THBS4: variants seen among roughly 807,000 people sequenced by gnomAD.
THBS4 encodes the protein thrombospondin-4.
A neutral mutation model predicts 115.7 loss-of-function variants in THBS4; 90 were observed. The ratio of observed to expected loss-of-function variants is 0.78; its 90% CI spans 0.66 to 0.93. THBS4 has a LOEUF of 0.93. Among genes scored for constraint, THBS4 ranks in the 40% least tolerant of loss-of-function variants. THBS4 has a pLI of 0.00. For synonymous variants in THBS4, 460 were observed against 479.3 expected (o/e 0.96, Z 0.53); for missense variants, 1,087 against 1,232.7 (o/e 0.88, Z 1.77).
rs1027637230 is a variant in THBS4 at position 80,035,552 on chromosome 5, C to T, written c.15C>T (p.Arg5=). 7.1e-7 allele frequency: 1 copy of T among 1,413,552 alleles called. No individual in the cohort carries two copies. The highest frequency in any genetic ancestry group is 9.2e-7 in the Non-Finnish European group (1 of 1,083,400). 87.6% of individuals were successfully genotyped at this position (1,413,552 alleles called of 1,614,324 possible). A position where few individuals can be genotyped will look rare whatever the true frequency, so the allele number is the denominator to read the frequency against. MLAP[R]GAAVLLLHLV... is the part of the protein sequence containing the mutation. Reference sequence around the variant, plus strand: ...GAAGAGCCAACATGCTGGCCCCGCGCGGAGCCGCCGTCCTCCTGCTGCACC... The same window carrying T: ...GAAGAGCCAACATGCTGGCCCCGCGTGGAGCCGCCGTCCTCCTGCTGCACC... Residue 5 remains arginine (R), a synonymous_variant, in exon 1 of 22, where the codon CGC becomes CGT. Coordinates refer to ENST00000350881, the MANE Select transcript of THBS4 (RefSeq NM_003248.6). The surrounding 1 kb of genome is among the most constrained non-coding windows in gnomAD (Gnocchi z 4.6).
At chr5:79,998,434 C>G (rs1171926093) in intron 2 of THBS4, 1 of 157,934 alleles carries the variant, frequency 6.3e-6, no homozygotes, top group East Asian at 1.8e-4. Context: ...AGTTGTGAGT[C>G]AATTAAACCT....
At chr5:80,001,251 A>G (rs1561288948) in intron 2 of THBS4, among the ~76,000 whole-genome samples, 1 of 146,566 alleles carries the variant, frequency 6.8e-6, no homozygotes, top group Non-Finnish European at 1.5e-5. Context: ...CACGTACTAC[A>G]TATTTGTTGC....
chr5:79,999,924 A>T (rs1385607545), intron 2 of THBS4, among the ~76,000 whole-genome samples: 1 of 152,208 alleles, frequency 6.6e-6, no homozygotes, highest in African/African-American at 2.4e-5. Flanking sequence ...AGTTAGGAAG[A>T]GGAAAGAACA....
chr5:80,077,527 G>A (rs1743275764), intron 16 of THBS4, among the ~76,000 whole-genome samples: 1 of 152,254 alleles, frequency 6.6e-6, no homozygotes, highest in Non-Finnish European at 1.5e-5. Context: ...ACAGCAGGGA[G>A]TGTTGGGGAC....
At chr5:80,034,926 C>T (rs529659656), upstream of THBS4, among the ~76,000 whole-genome samples, 57 of 152,300 alleles carry the variant, frequency 3.7e-4, no homozygotes, top group South Asian at 3.9e-3. Context: ...CCAAGGTGGG[C>T]ATTCAAAGCC....
rs547968810 is a variant in THBS4 at position 80,067,913 on chromosome 5, GCTCAAA to G, written c.1195-57_1195-52del. The G allele has an allele frequency of 9.7e-5, 153 of 1,585,306 alleles. 1 individual carries two copies. In the South Asian group the frequency reaches 1.7e-3, roughly 17 times the overall value. On this transcript the variant is annotated intron_variant, in intron 9 of 21. Transcript: ENST00000350881. ...AAATATACACAATAACTGTACCTTTGCTCAAACTGTACCTTTGCCCACAGCTTTCAG... is the reference window on the plus strand; with the variant it reads ...AAATATACACAATAACTGTACCTTTGCTGTACCTTTGCCCACAGCTTTCAG...
chr5:80,028,399 C>A (rs1435412987), intron 2 of THBS4, among the ~76,000 whole-genome samples: 1 of 152,128 alleles, frequency 6.6e-6, no homozygotes, highest in Non-Finnish European at 1.5e-5. Context: ...CCTGACCTCT[C>A]CACACAGGTC....
rs531951184 is a variant in THBS4, at chr5:80,021,332, A to C, written n.178-18745A>C. On this transcript the variant is annotated intron_variant and non_coding_transcript_variant, in intron 2 of 3. Transcript: ENST00000510218. ...CAACTGTCTTCCATTGTCAGACATA[A>C]AAGAGATTTGCAAAAAGGTAAAACA... Among the ~76,000 whole-genome samples the C allele has an allele frequency of 1.5e-3, 233 of 152,322 alleles. 1 individual carries two copies. The highest frequency in any genetic ancestry group is 5.3e-3 in the African/African-American group (222 of 41,568).
chr5:80,035,748 C>T lies in THBS4; in HGVS notation c.88+123C>T, dbSNP rs898016465. 128 of 682,978 alleles carry T rather than the reference C, an allele frequency of 1.9e-4. 3 individuals are homozygous for T. Among genetic ancestry groups the T allele is most frequent in the Admixed American group, 1.7e-3 (38 of 23,014 alleles). 42.3% of individuals were successfully genotyped at this position (682,978 alleles called of 1,614,324 possible). ...TTGCTCAGCCCCTCTCTGTCCCTCCCGGGCCCAATCAAAGCATATTGTGAT... is the reference window on the plus strand; with the variant it reads ...TTGCTCAGCCCCTCTCTGTCCCTCCTGGGCCCAATCAAAGCATATTGTGAT... On this transcript the variant is annotated intron_variant, in intron 1 of 21. Coordinates refer to ENST00000350881, the MANE Select transcript of THBS4 (RefSeq NM_003248.6). This position sits in a 1 kb window ranked among gnomAD's most constrained non-coding sequence, Gnocchi z 4.6.
intron 2 of THBS4, among the ~76,000 whole-genome samples, chr5:80,054,302 T>A: frequency 6.8e-6 from 1 of 147,510 alleles, no homozygotes; most frequent in East Asian, 2.0e-4. Flanking sequence ...TACAAGTATG[T>A]GCCACCACAC....
intron 2 of THBS4, among the ~76,000 whole-genome samples, chr5:80,045,792 A>G (rs1001863670): frequency 6.6e-6 from 1 of 152,048 alleles, no homozygotes; most frequent in African/African-American, 2.4e-5. Flanking sequence ...CGGCCTCCCA[A>G]AGTGCTGGGA....
chr5:80,047,564 T>C (rs1833108625), intron 2 of THBS4, among the ~76,000 whole-genome samples: 1 of 151,448 alleles, frequency 6.6e-6, no homozygotes, highest in Admixed American at 6.6e-5. Flanking sequence ...TCCCAGCACT[T>C]TGGGAGTCTG....
intron 1 of THBS4, among the ~76,000 whole-genome samples, chr5:79,994,829 C>G (rs958701228): frequency 6.6e-6 from 1 of 152,184 alleles, no homozygotes; most frequent in African/African-American, 2.4e-5. Context: ...TTTGAACTAA[C>G]TAGAGACTAT....
intron 8 of THBS4, among the ~76,000 whole-genome samples, chr5:80,064,599 T>G (rs1030326597): frequency 6.6e-6 from 1 of 152,100 alleles, no homozygotes; most frequent in Non-Finnish European, 1.5e-5. Flanking sequence ...GGTGTGATGG[T>G]GCATGCCTGT....
upstream of THBS4, among the ~76,000 whole-genome samples, chr5:80,034,125 G>A (rs1203447142): frequency 6.6e-6 from 1 of 152,110 alleles, no homozygotes; most frequent in Admixed American, 6.5e-5. Flanking sequence ...CACATCCTCT[G>A]TGTCTCTCAG....
chr5:80,039,313 TACTC>T (rs1431203913), intron 1 of THBS4, among the ~76,000 whole-genome samples: 1 of 152,260 alleles, frequency 6.6e-6, no homozygotes, highest in Admixed American at 6.5e-5. Context: ...ACTCTGGGCA[TACTC>T]TCTCATAGCT....
rs2112015201 is a variant in THBS4, at chr5:80,035,424, C to A, written c.-114C>A. ...GGCAGCCCGGACGCCGAGCACGGGT[C>A]ACCTGCGGCGCCGGCCCGGGCGCCG... On this transcript the variant is annotated 5_prime_UTR_variant, in exon 1 of 22. Coordinates refer to ENST00000350881, the MANE Select transcript of THBS4 (RefSeq NM_003248.6). This position sits in a 1 kb window ranked among gnomAD's most constrained non-coding sequence, Gnocchi z 4.6. The A allele has an allele frequency of 1.6e-6, 1 of 609,200 alleles. No homozygotes were observed. Among genetic ancestry groups the A allele is most frequent in the South Asian group, 7.9e-5 (1 of 12,590 alleles). The allele number at this position is 609,200 out of a possible 1,614,324, so 37.7% of individuals were successfully genotyped here.
At chr5:80,047,249 A>C (rs967549851) in intron 2 of THBS4, among the ~76,000 whole-genome samples, 10 of 152,126 alleles carry the variant, frequency 6.6e-5, no homozygotes, top group African/African-American at 2.4e-4. Flanking sequence ...GTCCCACTGT[A>C]CTCTTAATTG....
rs1833997396 is a variant in THBS4, at chr5:80,070,421, T to G, written c.1452+11T>G. The G allele has an allele frequency of 2.5e-6, 4 of 1,612,426 alleles. No homozygotes were observed. Among genetic ancestry groups the G allele is most frequent in the South Asian group, 2.2e-5 (2 of 91,030 alleles). The stretch of plus-strand genomic sequence containing the variant: ...AGGAACTGTAAAAAGGTAAGGGGTG[T>G]GGGGTGGCAGTAGGCACACATGCAC... On this transcript the variant is annotated intron_variant, in intron 11 of 21. Coordinates refer to ENST00000350881, the MANE Select transcript of THBS4 (RefSeq NM_003248.6).
Sources: allele counts gnomAD v4.1 joint callset (sites outside exome capture counted in the v4.1 genomes callset), GRCh38; gene constraint gnomAD v4.1.1; non-coding constraint Gnocchi (gnomAD v3.1); transcripts MANE v1.5; gene names NCBI Gene and HGNC (gene_info 2026-07-23, HGNC 2026-07-21).